COL11A1: variants seen among roughly 807,000 people sequenced by gnomAD.
The protein encoded by COL11A1 is collagen type XI alpha 1 chain.
COL11A1 carries 74 observed loss-of-function variants against 265.2 expected under a neutral mutation model. That is an observed-to-expected ratio of 0.28 (90% CI 0.23 to 0.34). The LOEUF (loss-of-function observed/expected upper bound fraction) is 0.34, where lower values mean the gene tolerates loss of function less well. Among genes scored for constraint, COL11A1 ranks in the 10% least tolerant of loss-of-function variants. The pLI is 1.00. For synonymous variants in COL11A1, 816 were observed against 727.6 expected (o/e 1.12, Z -1.96); for missense variants, 2,165 against 2,263.6 (o/e 0.96, Z 0.88).
Position 102,996,014 on chromosome 1 carries a change from C to A in COL11A1, c.2270G>T (p.Gly757Val), listed in dbSNP as rs1664589837. Residue 757 changes from glycine (G) to valine (V), a missense_variant, in exon 27 of 67, where the codon GGA (glycine) becomes GTA (valine). Gly to Val is a moderately radical substitution (Grantham distance 109). Transcript: ENST00000370096. ...CTTTACTCCCCGGGGGCCCGGGTAT[C>A]CAATAGGACCTTGTGGACCAGGGGG... ...LGPPGPQGPIGYPGPRGVKGA... is the reference protein window; with the variant it reads ...LGPPGPQGPIVYPGPRGVKGA... 6.2e-7 allele frequency: 1 copy of A among 1,613,214 alleles called. No homozygotes were observed. Among genetic ancestry groups the A allele is most frequent in the Non-Finnish European group, 8.5e-7 (1 of 1,179,558 alleles).
At chr1:102,994,405 A>G (rs952585553) in intron 28 of COL11A1, among the ~76,000 whole-genome samples, 3 of 152,018 alleles carry the variant, frequency 2.0e-5, no homozygotes, top group African/African-American at 7.2e-5. Context: ...GTTTAAAAGC[A>G]TGTGGCACCT....
chr1:102,876,794 T>TG lies in COL11A1; in HGVS notation c.*1224dup, dbSNP rs897863910. 1 of 152,240 alleles carries TG rather than the reference T, an allele frequency of 6.6e-6. No individual in the cohort carries two copies. Among genetic ancestry groups the TG allele is most frequent in the Non-Finnish European group, 1.5e-5 (1 of 67,942 alleles). 9.4% of individuals were successfully genotyped at this position (152,240 alleles called of 1,614,324 possible). A position where few individuals can be genotyped will look rare whatever the true frequency, so the allele number is the denominator to read the frequency against. On this transcript the variant is annotated 3_prime_UTR_variant, in exon 67 of 67. Transcript: ENST00000370096. ...AGCTACCTTAAAGTAAATACCTTAG[T>TG]GGAAAAAAAAGTTTAGATTTTCCTG... is the stretch of plus-strand genomic sequence containing the variant.
intron 44 of COL11A1, 46 bp downstream of exon 44, chr1:102,938,989 G>A: frequency 6.5e-7 from 1 of 1,543,722 alleles, no homozygotes; most frequent in East Asian, 2.2e-5. Context: ...AACAGTAAAA[G>A]TTGTTAAATA....
chr1:102,924,332 C>G (rs1656335509), intron 46 of COL11A1, among the ~76,000 whole-genome samples: 2 of 152,204 alleles, frequency 1.3e-5, no homozygotes, highest in Admixed American at 1.3e-4. Flanking sequence ...AAAGATTGCA[C>G]TCAAATTTCA....
chr1:102,940,349 G>C lies in COL11A1; in HGVS notation c.3362C>G (p.Ser1121Cys). 1 of 1,613,830 alleles carries C rather than the reference G, an allele frequency of 6.2e-7. No homozygotes were observed. The highest frequency in any genetic ancestry group is 8.5e-7 in the Non-Finnish European group (1 of 1,179,856). Residue 1121 changes from serine (S) to cysteine (C), a missense_variant, in exon 43 of 67, where the codon TCC becomes TGC. Physicochemically the swap from Ser to Cys is moderately radical, Grantham distance 112. Coordinates refer to ENST00000370096, the MANE Select transcript of COL11A1 (RefSeq NM_001854.4). ...AACCTTGTCTCCGTCTTCCCCAGGG[G>C]AGCCGGCAGGACCAGCTGGCCCTGG... ...GLPGPAGPAGSPGEDGDKGEI... is the reference protein window; with the variant it reads ...GLPGPAGPAGCPGEDGDKGEI...
At chr1:103,023,174 A>C (rs1356423586) in intron 7 of COL11A1, among the ~76,000 whole-genome samples, 178 bp from the exon 8 acceptor site, 1 of 152,182 alleles carries the variant, frequency 6.6e-6, no homozygotes, top group Non-Finnish European at 1.5e-5. Flanking sequence ...ATATTTGTAC[A>C]TTGCTATGTA....
At chr1:102,887,753 T>C (rs1223908560) in intron 62 of COL11A1, among the ~76,000 whole-genome samples, 1 of 152,110 alleles carries the variant, frequency 6.6e-6, no homozygotes, top group African/African-American at 2.4e-5. Flanking sequence ...TAAGATAACA[T>C]CGCTAGAGTG....
intron 2 of COL11A1, among the ~76,000 whole-genome samples, chr1:103,080,689 A>G (rs1412977449): frequency 6.6e-6 from 1 of 151,902 alleles, no homozygotes; most frequent in African/African-American, 2.4e-5. Flanking sequence ...GCAGATGTAG[A>G]GAAAAAGGAA....
At chr1:102,970,998 CA>C (rs1661920608) in intron 36 of COL11A1, among the ~76,000 whole-genome samples, 1 of 94,308 alleles carries the variant, frequency 1.1e-5, no homozygotes, top group Non-Finnish European at 2.1e-5. Context: ...GAGACCGTCT[CA>C]AAAAACAAAA....
At chr1:103,045,584 C>T (rs1557990344) in intron 4 of COL11A1, among the ~76,000 whole-genome samples, 1 of 151,890 alleles carries the variant, frequency 6.6e-6, no homozygotes, top group African/African-American at 2.4e-5. Context: ...CTTACTTAAA[C>T]AATAATTTAA....
intron 54 of COL11A1, among the ~76,000 whole-genome samples, chr1:102,909,637 C>T (rs1654412287): frequency 6.6e-6 from 1 of 151,866 alleles, no homozygotes; most frequent in African/African-American, 2.4e-5. Context: ...AAAATTATAT[C>T]TCATTTAACT....
intron 20 of COL11A1, 21 bp from the exon 21 acceptor site, chr1:103,003,289 A>G: frequency 6.2e-7 from 1 of 1,608,586 alleles, no homozygotes; most frequent in Non-Finnish European, 8.5e-7. Context: ...AAGAAAAAGC[A>G]CGCCTTTATT....
intron 4 of COL11A1, among the ~76,000 whole-genome samples, chr1:103,065,056 A>G (rs1241646883): frequency 1.3e-5 from 2 of 152,164 alleles, no homozygotes; most frequent in African/African-American, 4.8e-5. Context: ...GGTGATAATG[A>G]TGAGTCAATG....
At position 102,934,634 on chromosome 1, in the gene COL11A1, C is replaced by A. The variant is rs1657955931; in HGVS notation, c.3493-78G>T. The A allele has an allele frequency of 3.6e-6, 4 of 1,103,454 alleles. No homozygotes were observed. The African/African-American group carries it at 6.2e-5, about 17-fold the overall frequency. The allele number at this position is 1,103,454 out of a possible 1,614,324, so 68.4% of individuals were successfully genotyped here. On this transcript the variant is annotated intron_variant, in intron 45 of 66. Transcript: ENST00000370096. ...GAGTCATTAAAAAATGTGGCCATTTCTAATTTAATCAAAGCAGATGTATTT... is the reference window on the plus strand; with the variant it reads ...GAGTCATTAAAAAATGTGGCCATTTATAATTTAATCAAAGCAGATGTATTT...
In COL11A1 at chr1:102,961,073, T is replaced by G. The variant is rs1401510975; in HGVS notation, c.3168+793A>C. Among the ~76,000 whole-genome samples, 4 of 152,212 alleles carry G rather than the reference T, an allele frequency of 2.6e-5. No homozygotes were observed. The East Asian group carries it at 7.7e-4, about 29-fold the overall frequency. On this transcript the variant is annotated intron_variant, in intron 41 of 66. Coordinates refer to ENST00000370096, the MANE Select transcript of COL11A1 (RefSeq NM_001854.4). Reference sequence around the variant, plus strand: ...CTAATGAATATTGTGTGAAAGGAAGTTGAGAGGGCCTTTAAGGCAACTTTC... The same window carrying G: ...CTAATGAATATTGTGTGAAAGGAAGGTGAGAGGGCCTTTAAGGCAACTTTC...
intron 14 of COL11A1, 102 bp from the exon 15 acceptor site, chr1:103,008,618 ATT>A (rs1188796155): frequency 1.7e-5 from 17 of 988,960 alleles, no homozygotes; most frequent in Non-Finnish European, 2.7e-5. Flanking sequence ...TTCAAAATAT[ATT>A]TAATCATATT....
chr1:102,912,733 T>C (rs1198908119), intron 53 of COL11A1, among the ~76,000 whole-genome samples: 1 of 152,070 alleles, frequency 6.6e-6, no homozygotes, highest in African/African-American at 2.4e-5. Flanking sequence ...CAGTGGGAGG[T>C]AATTGAGTGA....
rs370639664 is a variant in COL11A1, at chr1:103,024,586, T to A, written c.990+935A>T. Among the ~76,000 whole-genome samples, 9 of 152,260 alleles carry A rather than the reference T, an allele frequency of 5.9e-5. No individual in the cohort carries two copies. In the South Asian group the frequency reaches 1.4e-3, roughly 25 times the overall value. Reference sequence around the variant, plus strand: ...TGCATAATATCTATGGTGAGAATATTGCTATAATCATAGCTCTGAACTAAA... The same window carrying A: ...TGCATAATATCTATGGTGAGAATATAGCTATAATCATAGCTCTGAACTAAA... On this transcript the variant is annotated intron_variant, in intron 7 of 66. Transcript: ENST00000370096.
chr1:103,025,784 G>C lies in COL11A1; in HGVS notation c.898-171C>G, dbSNP rs376739973. The stretch of plus-strand genomic sequence containing the variant: ...AGCTTATCTAGGATAGATCTTGATT[G>C]CTTTTTCTTCGCTACCTTTACCCCT... On this transcript the variant is annotated intron_variant, in intron 6 of 66. Transcript: ENST00000370096. 74 of 1,612,278 alleles carry C rather than the reference G, an allele frequency of 4.6e-5. No individual in the cohort carries two copies. The Middle Eastern group carries it at 6.6e-4, about 14-fold the overall frequency.
Sources: gnomAD v4.1 joint callset for allele counts (sites outside exome capture counted in the v4.1 genomes callset) on GRCh38, gnomAD v4.1.1 for gene constraint, MANE v1.5 for transcripts, NCBI Gene and HGNC (gene_info 2026-07-23, HGNC 2026-07-21) for gene names.